PLEKHG1: variants seen among roughly 807,000 people sequenced by gnomAD.
The protein encoded by PLEKHG1 is pleckstrin homology domain-containing family G member 1.
Under a neutral mutation model 100.8 loss-of-function variants are expected in PLEKHG1, and 44 were observed. That is an observed-to-expected ratio of 0.44 (90% confidence interval 0.34 to 0.56). The LOEUF (loss-of-function observed/expected upper bound fraction) is 0.56, where lower values mean the gene tolerates loss of function less well. Among genes scored for constraint, PLEKHG1 ranks in the 20% least tolerant of loss-of-function variants. The pLI, the probability that PLEKHG1 is intolerant of heterozygous loss-of-function variation, is 0.01. For synonymous variants in PLEKHG1, 640 were observed against 662.5 expected, an observed-to-expected ratio of 0.97 and a Z score of 0.52; for missense variants, 1,545 against 1,720.9, an observed-to-expected ratio of 0.90 and a Z score of 1.81.
chr6:150,683,908 G>A lies in PLEKHG1; in HGVS notation c.-99+33122G>A. ...GTAAGATGGAGCGATCCTATGGTTT[G>A]GCACCTGCAGCCAGGGTGGTGGCAA... On this transcript the variant is annotated intron_variant, in intron 3 of 3. Coordinates refer to the PLEKHG1 transcript ENST00000367326. The surrounding 1 kb of genome is among the most constrained non-coding windows in gnomAD (Gnocchi z 4.0). The A allele has an allele frequency of 1.0e-6, 1 of 973,756 alleles. No individual in the cohort carries two copies. The highest frequency in any genetic ancestry group is 1.5e-5 in the South Asian group (1 of 66,080). 60.3% of individuals were successfully genotyped at this position (973,756 alleles called of 1,614,324 possible).
chr6:150,842,768 T>C (rs117798513), exon 16 of PLEKHG1: 5,011 of 152,264 alleles, frequency 0.033, 93 homozygotes, highest in South Asian at 0.055. Context: ...GTTGCCCAAG[T>C]TGGAGTGCAA....
chr6:150,698,509 C>CACAT (rs1554261125), intron 3 of PLEKHG1, among the ~76,000 whole-genome samples: 3 of 151,788 alleles, frequency 2.0e-5, no homozygotes, highest in African/African-American at 4.8e-5. Flanking sequence ...TACACACACA[C>CACAT]GTACATGAAA....
In PLEKHG1 at chr6:150,600,619, A is replaced by G. The variant is rs942066073; in HGVS notation, c.-204+602A>G. On this transcript the variant is annotated intron_variant, in intron 1 of 3. Coordinates refer to the PLEKHG1 transcript ENST00000367326. This position sits in a 1 kb window ranked among gnomAD's most constrained non-coding sequence, Gnocchi z 6.2. Reference sequence around the variant, plus strand: ...GCGCTTTTCAGGGGGTGGGGAGTCAAGAGCCTGTGGCTCTTCCGTCACGGG... The same window carrying G: ...GCGCTTTTCAGGGGGTGGGGAGTCAGGAGCCTGTGGCTCTTCCGTCACGGG... Among the ~76,000 whole-genome samples the G allele has an allele frequency of 6.6e-6, 1 of 152,186 alleles. No homozygotes were observed. Among genetic ancestry groups the G allele is most frequent in the Non-Finnish European group, 1.5e-5 (1 of 68,020 alleles).
At chr6:150,809,936 C>T (rs1044930287) in intron 10 of PLEKHG1, among the ~76,000 whole-genome samples, 9 of 149,190 alleles carry the variant, frequency 6.0e-5, no homozygotes, top group African/African-American at 9.9e-5. Flanking sequence ...GGAGTGACAA[C>T]GGTTAATCTG....
At chr6:150,615,617 G>A (rs1777043030) in intron 1 of PLEKHG1, among the ~76,000 whole-genome samples, 1 of 152,056 alleles carries the variant, frequency 6.6e-6, no homozygotes, top group South Asian at 2.1e-4. Context: ...AATCACATAG[G>A]CTAGAATTTC....
At chr6:150,813,883 G>A (rs1478532476) in intron 10 of PLEKHG1, among the ~76,000 whole-genome samples, 2 of 152,146 alleles carry the variant, frequency 1.3e-5, no homozygotes, top group Non-Finnish European at 2.9e-5. Flanking sequence ...GTCCAAGTTG[G>A]GGCTGGGAGG....
At chr6:150,627,192 AAAT>A (rs1289870471) in intron 1 of PLEKHG1, among the ~76,000 whole-genome samples, 1 of 152,228 alleles carries the variant, frequency 6.6e-6, no homozygotes, top group African/African-American at 2.4e-5. Flanking sequence ...GAAAGATAAA[AAAT>A]ATTTAGGTCT....
intron 1 of PLEKHG1, among the ~76,000 whole-genome samples, chr6:150,731,775 C>T (rs992843231): frequency 1.3e-5 from 2 of 152,046 alleles, no homozygotes; most frequent in Non-Finnish European, 2.9e-5. Context: ...TTTCTATAAA[C>T]ACAATTTCTC....
chr6:150,842,648 A>G (rs940336514), exon 16 of PLEKHG1: 8 of 152,218 alleles, frequency 5.3e-5, no homozygotes, highest in African/African-American at 1.7e-4. Flanking sequence ...TGAACATGAT[A>G]TGAGTTTCCA....
chr6:150,708,072 C>T (rs571799643), intron 3 of PLEKHG1, among the ~76,000 whole-genome samples: 20 of 152,326 alleles, frequency 1.3e-4, no homozygotes, highest in Non-Finnish European at 2.6e-4. Flanking sequence ...AATCCCTGTT[C>T]TTTTCCTTAT....
chr6:150,720,281 A>G (rs1172693409), upstream of PLEKHG1, among the ~76,000 whole-genome samples: 1 of 152,264 alleles, frequency 6.6e-6, no homozygotes, highest in African/African-American at 2.4e-5. Context: ...AAATAGATAT[A>G]GCATTTTAAG....
chr6:150,613,439 AG>A (rs1776934945), intron 1 of PLEKHG1, among the ~76,000 whole-genome samples: 1 of 152,248 alleles, frequency 6.6e-6, no homozygotes, highest in Non-Finnish European at 1.5e-5. Flanking sequence ...TGCCCAGTGC[AG>A]AGAAATGCTG....
At chr6:150,816,332 T>TTTTTTC (rs1161346797) in intron 10 of PLEKHG1, among the ~76,000 whole-genome samples, 3 of 106,162 alleles carry the variant, frequency 2.8e-5, no homozygotes, top group Non-Finnish European at 5.6e-5. Flanking sequence ...CATACTTTTT[T>TTTTTTC]TTTTTTTTTT....
intron 2 of PLEKHG1, among the ~76,000 whole-genome samples, chr6:150,640,152 C>G (rs543068134): frequency 2.6e-5 from 4 of 152,378 alleles, no homozygotes; most frequent in South Asian, 4.1e-4. Flanking sequence ...CGGCGTCCCG[C>G]CAGTAGGACC....
chr6:150,810,541 A>AG (rs1787456377), intron 10 of PLEKHG1, among the ~76,000 whole-genome samples: 1 of 123,238 alleles, frequency 8.1e-6, no homozygotes, highest in Non-Finnish European at 2.0e-5. Context: ...AAAGAAAGGA[A>AG]GAAAGGAAGG....
chr6:150,754,824 A>G (rs1429926441), intron 2 of PLEKHG1, among the ~76,000 whole-genome samples: 1 of 151,816 alleles, frequency 6.6e-6, no homozygotes, highest in Non-Finnish European at 1.5e-5. Context: ...ATGCACCACC[A>G]CACCCGGCTA....
chr6:150,834,368 G>C (rs112007506), intron 15 of PLEKHG1, among the ~76,000 whole-genome samples: 8 of 152,272 alleles, frequency 5.3e-5, no homozygotes, highest in African/African-American at 1.9e-4. Flanking sequence ...GCAATTGCAA[G>C]CACTGACTAA....
chr6:150,735,045 G>A (rs1782491799), intron 2 of PLEKHG1, among the ~76,000 whole-genome samples: 2 of 136,764 alleles, frequency 1.5e-5, no homozygotes, highest in South Asian at 4.7e-4. Flanking sequence ...GGAGTGCAAT[G>A]GTGCGATCTT....
rs1406529323 is a variant in PLEKHG1 at position 150,683,967 on chromosome 6, T to C, written c.-99+33181T>C. ...GCAAGTAGTGGGTTTCATGGAAGGA[T>C]AAAAGTATCAGGCAGCCTCCTCGGG... is the stretch of plus-strand genomic sequence containing the variant. On this transcript the variant is annotated intron_variant, in intron 3 of 3. Coordinates refer to the PLEKHG1 transcript ENST00000367326. The surrounding 1 kb of genome is among the most constrained non-coding windows in gnomAD (Gnocchi z 4.0). 2 of 442,444 alleles carry C rather than the reference T, an allele frequency of 4.5e-6. No individual in the cohort carries two copies. Among genetic ancestry groups the C allele is most frequent in the East Asian group, 1.5e-4 (2 of 13,638 alleles). The allele number at this position is 442,444 out of a possible 1,614,324, so 27.4% of individuals were successfully genotyped here.
Sources: allele counts gnomAD v4.1 joint callset (sites outside exome capture counted in the v4.1 genomes callset), GRCh38; gene constraint gnomAD v4.1.1; non-coding constraint Gnocchi (gnomAD v3.1); transcripts MANE v1.5; gene names NCBI Gene and HGNC (gene_info 2026-07-23, HGNC 2026-07-21).